The following RBFOX1 variants were observed in gnomAD, a reference collection of about 807,000 sequenced individuals.
RBFOX1 encodes the protein RNA binding fox-1 homolog 1.
A neutral mutation model predicts 57.7 loss-of-function variants in RBFOX1; 8 were observed. The observed-to-expected ratio is 0.14, with a 90% CI of 0.08 to 0.25. The LOEUF (loss-of-function observed/expected upper bound fraction) is 0.25, where lower values mean the gene tolerates loss of function less well. RBFOX1 is among the 10% of genes least tolerant of loss of function. The pLI is 1.00. For synonymous variants in RBFOX1, 326 were observed against 222.4 expected (o/e 1.47, Z -4.15); for missense variants, 611 against 548.5 (o/e 1.11, Z -1.14).
chr16:6,676,668 CT>C (rs2057751615), intron 3 of RBFOX1, among the ~76,000 whole-genome samples: 2 of 126,664 alleles, frequency 1.6e-5, no homozygotes, highest in South Asian at 2.5e-4. Flanking sequence ...TTTTGTTTTT[CT>C]TTTCTTTTTT....
chr16:6,879,350 T>A (rs1051905681), intron 3 of RBFOX1, among the ~76,000 whole-genome samples: 1 of 152,214 alleles, frequency 6.6e-6, no homozygotes. Flanking sequence ...CTGTCTCCTA[T>A]CTTTCCTAAT....
At chr16:5,425,614 G>A (rs539589759) in intron 1 of RBFOX1, among the ~76,000 whole-genome samples, 28 of 152,222 alleles carry the variant, frequency 1.8e-4, no homozygotes, top group African/African-American at 5.8e-4. Flanking sequence ...GAGAGAACGT[G>A]TCCTTTCTCT....
chr16:6,991,157 A>ACC (rs2091370066), intron 3 of RBFOX1, among the ~76,000 whole-genome samples: 1 of 149,858 alleles, frequency 6.7e-6, no homozygotes, highest in African/African-American at 2.5e-5. Context: ...AAAAAAAAAA[A>ACC]AAAAAGACAC....
At chr16:7,574,678 G>C (rs1321435379) in intron 5 of RBFOX1, among the ~76,000 whole-genome samples, 1 of 152,112 alleles carries the variant, frequency 6.6e-6, no homozygotes, top group African/African-American at 2.4e-5. Context: ...CCAGATTGAG[G>C]GTGGGTTGGC....
chr16:5,837,897 C>A (rs984582340), intron 3 of RBFOX1, among the ~76,000 whole-genome samples: 1 of 152,004 alleles, frequency 6.6e-6, no homozygotes, highest in Non-Finnish European at 1.5e-5. Flanking sequence ...CAGAGGACCC[C>A]GTGGGAGGTA....
At chr16:7,107,586 A>C (rs1179425993) in intron 4 of RBFOX1, among the ~76,000 whole-genome samples, 1 of 152,012 alleles carries the variant, frequency 6.6e-6, no homozygotes, top group African/African-American at 2.4e-5. Context: ...AACATCTGTC[A>C]CCCCAGAAGC....
At chr16:6,710,412 T>C (rs956070641) in intron 3 of RBFOX1, among the ~76,000 whole-genome samples, 1 of 152,230 alleles carries the variant, frequency 6.6e-6, no homozygotes, top group Non-Finnish European at 1.5e-5. Context: ...GTGATCAATA[T>C]AAAAGATATT....
intron 4 of RBFOX1, among the ~76,000 whole-genome samples, chr16:7,113,807 C>A (rs1466768802): frequency 2.0e-5 from 3 of 152,140 alleles, no homozygotes; most frequent in Non-Finnish European, 2.9e-5. Context: ...AAAGTTCCCT[C>A]CCGTGCTGAT....
At chr16:6,558,753 A>G (rs909710167) in intron 2 of RBFOX1, among the ~76,000 whole-genome samples, 3 of 151,978 alleles carry the variant, frequency 2.0e-5, no homozygotes, top group Admixed American at 6.6e-5. Context: ...TTCAGCTAAG[A>G]TGATTAACAT....
At chr16:7,700,189 T>C (rs1237893443) in intron 14 of RBFOX1, among the ~76,000 whole-genome samples, 1 of 152,128 alleles carries the variant, frequency 6.6e-6, no homozygotes, top group Non-Finnish European at 1.5e-5. Flanking sequence ...CCTGGGGCTT[T>C]ACCGGGAAGC....
intron 14 of RBFOX1, among the ~76,000 whole-genome samples, chr16:7,702,537 C>T (rs1273033581): frequency 2.6e-4 from 39 of 152,180 alleles, no homozygotes; most frequent in Non-Finnish European, 4.4e-5. Context: ...TTATGATTGA[C>T]AACGGATTCA....
At chr16:6,639,425 C>G (rs537201919) in intron 2 of RBFOX1, among the ~76,000 whole-genome samples, 4 of 152,104 alleles carry the variant, frequency 2.6e-5, no homozygotes, top group Non-Finnish European at 2.9e-5. Context: ...GAAATTGCAT[C>G]TTTTGTGGCC....
At position 6,824,983 on chromosome 16, in the gene RBFOX1, G is replaced by GTTTTTTT. The variant is rs151177772; in HGVS notation, c.-16+170358_-16+170364dup. Among the ~76,000 whole-genome samples, 85 of 36,904 alleles carry GTTTTTTT rather than the reference G, an allele frequency of 2.3e-3. 6 individuals carry two copies. Among genetic ancestry groups the GTTTTTTT allele is most frequent in the East Asian group, 3.2e-3 (3 of 934 alleles). The allele number at this position is 36,904 out of a possible 152,430, so 24.2% of individuals were successfully genotyped here. A position where few individuals can be genotyped will look rare whatever the true frequency, so the allele number is the denominator to read the frequency against. The stretch of plus-strand genomic sequence containing the variant: ...GGATTTCTTTTTTCTTTCTTTCTTG[G>GTTTTTTT]TTTTTTTTTTTTTTTTTTTTTTTTT... On this transcript the variant is annotated intron_variant, in intron 3 of 15. Transcript: ENST00000550418.
chr16:6,630,069 C>A (rs146747879), intron 2 of RBFOX1, among the ~76,000 whole-genome samples: 251 of 151,276 alleles, frequency 1.7e-3, no homozygotes, highest in Admixed American at 3.7e-3. Context: ...TTTCTTCTGA[C>A]AGGAAGAGGG....
At chr16:6,787,165 C>A (rs976409388) in intron 3 of RBFOX1, among the ~76,000 whole-genome samples, 1 of 152,130 alleles carries the variant, frequency 6.6e-6, no homozygotes, top group East Asian at 1.9e-4. Flanking sequence ...AAACATTTAT[C>A]AGATGTGTGG....
In RBFOX1 at chr16:6,097,447, G is replaced by C. The variant is rs770551657; in HGVS notation, c.-127+77455G>C. 6.6e-6 allele frequency among the ~76,000 whole-genome samples: 1 copy of C among 152,190 alleles called. No homozygotes were observed. The highest frequency in any genetic ancestry group is 1.9e-4 in the East Asian group (1 of 5,188). ...GGCCTGGGAGTTTGTGAGAGATGCA[G>C]ATTCTTGGTGCCCATCCAAACCTAC... On this transcript the variant is annotated intron_variant, in intron 1 of 15. Coordinates refer to ENST00000550418, the MANE Select transcript of RBFOX1 (RefSeq NM_018723.4). The surrounding 1 kb of genome is among the most constrained non-coding windows in gnomAD (Gnocchi z 5.0).
At chr16:7,659,852 T>C (rs1372925992) in intron 12 of RBFOX1, among the ~76,000 whole-genome samples, 2 of 152,130 alleles carry the variant, frequency 1.3e-5, no homozygotes, top group Admixed American at 6.5e-5. Flanking sequence ...GAGGGGAGAA[T>C]GTGAAAAGAC....
intron 3 of RBFOX1, among the ~76,000 whole-genome samples, chr16:6,846,428 C>G (rs574902355): frequency 2.6e-5 from 4 of 152,196 alleles, no homozygotes; most frequent in African/African-American, 9.6e-5. Flanking sequence ...CAAGGACAAA[C>G]AAGAGACTGC....
intron 3 of RBFOX1, among the ~76,000 whole-genome samples, chr16:6,791,541 T>C (rs2154248671): frequency 6.6e-6 from 1 of 152,196 alleles, no homozygotes; most frequent in South Asian, 2.1e-4. Flanking sequence ...GGTGGATCTC[T>C]TGAGGTCAGG....
Sources: allele counts gnomAD v4.1 joint callset (sites outside exome capture counted in the v4.1 genomes callset), GRCh38; gene constraint gnomAD v4.1.1; non-coding constraint Gnocchi (gnomAD v3.1); transcripts MANE v1.5; gene names NCBI Gene and HGNC (gene_info 2026-07-23, HGNC 2026-07-21).